PCDHGB5: variants seen among roughly 807,000 people sequenced by gnomAD.
PCDHGB5 encodes protocadherin gamma subfamily B, 5, also known as protocadherin gamma-B5.
A neutral mutation model predicts 62.9 loss-of-function variants in PCDHGB5; 48 were observed. The observed-to-expected ratio is 0.76, with a 90% CI of 0.61 to 0.97. The LOEUF is 0.97. Among genes scored for constraint, PCDHGB5 ranks in the 50% least tolerant of loss-of-function variants. The pLI, the probability that PCDHGB5 is intolerant of heterozygous loss-of-function variation, is 0.00. For missense variants in PCDHGB5, 1,118 were observed against 1,198.6 expected (o/e 0.93, Z 0.99); for synonymous variants, 474 against 511.2 (o/e 0.93, Z 0.98).
At chr5:141,481,913 CA>C (rs34114744) in intron 1 of PCDHGB5, among the ~76,000 whole-genome samples, 39,195 of 90,872 alleles carry the variant, frequency 0.43, 5,902 homozygotes, top group Admixed American at 0.51. Flanking sequence ...AACTCCATCT[CA>C]AAAAAAAAAA....
chr5:141,486,707 C>A lies in PCDHGB5; in HGVS notation c.2398-8100C>A, dbSNP rs1314530265. On this transcript the variant is annotated intron_variant, in intron 1 of 3. Coordinates refer to ENST00000617380, the MANE Select transcript of PCDHGB5 (RefSeq NM_018925.3). The surrounding 1 kb of genome is among the most constrained non-coding windows in gnomAD (Gnocchi z 5.0). ...AGCTTCCTCTTTCATCTCTCTGAAC[C>A]CCCAGACAGGAGCTGTTCATGCTAC... 2 of 1,614,040 alleles carry A rather than the reference C, an allele frequency of 1.2e-6. No individual in the cohort carries two copies. The highest frequency in any genetic ancestry group is 1.7e-6 in the Non-Finnish European group (2 of 1,180,038).
chr5:141,409,172 G>C (rs574905228), intron 1 of PCDHGB5: 1 of 1,614,006 alleles, frequency 6.2e-7, no homozygotes, highest in Non-Finnish European at 8.5e-7. Context: ...AGCGAAGGAC[G>C]GAGGTGGTCT....
rs530404769 is a variant in PCDHGB5, at chr5:141,423,267, G to C, written c.2397+22743G>C. On this transcript the variant is annotated intron_variant, in intron 1 of 3. Coordinates refer to ENST00000617380, the MANE Select transcript of PCDHGB5 (RefSeq NM_018925.3). ...TCCTGGCGGACCTCGGCAGCCTCGA[G>C]TCTCTGGCTAACTCTGAAACCTCAG... The C allele has an allele frequency of 2.5e-6, 4 of 1,613,710 alleles. No individual in the cohort carries two copies. In the South Asian group the frequency reaches 4.4e-5, roughly 18 times the overall value.
At chr5:141,471,571 A>G (rs1417147609) in intron 1 of PCDHGB5, 1 of 152,224 alleles carries the variant, frequency 6.6e-6, no homozygotes, top group African/African-American at 2.4e-5. Context: ...GGGTAGCAGT[A>G]GATAGGGTAA....
At chr5:141,492,189 G>C (rs2099737936) in intron 1 of PCDHGB5, among the ~76,000 whole-genome samples, 1 of 152,204 alleles carries the variant, frequency 6.6e-6, no homozygotes, top group Non-Finnish European at 1.5e-5. Context: ...GCACCTGTCT[G>C]CGGGACTTAG....
chr5:141,506,444 CAAAAA>C (rs1219684339), intron 3 of PCDHGB5, among the ~76,000 whole-genome samples: 4 of 95,024 alleles, frequency 4.2e-5, no homozygotes, highest in Admixed American at 1.1e-4. Flanking sequence ...CGCTCTGTCT[CAAAAA>C]AAAAAAAAAA....
rs761731200 is a variant in PCDHGB5, at chr5:141,477,252, T to C, written c.2398-17555T>C. The C allele has an allele frequency of 1.2e-6, 2 of 1,614,182 alleles. No homozygotes were observed. The highest frequency in any genetic ancestry group is 8.5e-7 in the Non-Finnish European group (1 of 1,180,034). ...ATCGCTTTGCTCAGTGTGACTGACCTGGATGCTGGCGAGAACGGGCTGGTG... is the reference window on the plus strand; with the variant it reads ...ATCGCTTTGCTCAGTGTGACTGACCCGGATGCTGGCGAGAACGGGCTGGTG... On this transcript the variant is annotated intron_variant, in intron 1 of 3. Transcript: ENST00000617380. The surrounding 1 kb of genome is among the most constrained non-coding windows in gnomAD (Gnocchi z 4.9).
Position 141,510,990 on chromosome 5 carries a change from C to T in PCDHGB5, c.2589C>T (p.Thr863=). ...GSSTLGGGAG[T]MGLSARYGPQ... ...CCACCCTGGGAGGGGGTGCCGGCAC[C>T]ATGGGATTGAGCGCCCGCTACGGAC... The change falls in exon 4 of 4, where the codon ACC becomes ACT. Residue 863 remains threonine, a synonymous_variant. Transcript: ENST00000617380. The T allele has an allele frequency of 2.5e-6, 4 of 1,614,166 alleles. No homozygotes were observed. Among genetic ancestry groups the T allele is most frequent in the Non-Finnish European group, 3.4e-6 (4 of 1,180,014 alleles).
rs138149681 is a variant in PCDHGB5, at chr5:141,486,735, G to A, written c.2398-8072G>A. Reference sequence around the variant, plus strand: ...CAGACAGGAGCTGTTCATGCTACTCGATCCTTTGACTATGAGCAAACCCAG... The same window carrying A: ...CAGACAGGAGCTGTTCATGCTACTCAATCCTTTGACTATGAGCAAACCCAG... On this transcript the variant is annotated intron_variant, in intron 1 of 3. Transcript: ENST00000617380. The surrounding 1 kb of genome is among the most constrained non-coding windows in gnomAD (Gnocchi z 5.0). 3.1e-4 allele frequency: 502 copies of A among 1,614,174 alleles called. 1 individual carries two copies. Among genetic ancestry groups the A allele is most frequent in the South Asian group, 1.8e-3 (161 of 91,086 alleles).
chr5:141,485,383 G>C lies in PCDHGB5; in HGVS notation c.2398-9424G>C. 6.2e-7 allele frequency: 1 copy of C among 1,614,128 alleles called. No individual in the cohort carries two copies. Among genetic ancestry groups the C allele is most frequent in the Non-Finnish European group, 8.5e-7 (1 of 1,180,020 alleles). On this transcript the variant is annotated intron_variant, in intron 1 of 3. Coordinates refer to ENST00000617380, the MANE Select transcript of PCDHGB5 (RefSeq NM_018925.3). The surrounding 1 kb of genome is among the most constrained non-coding windows in gnomAD (Gnocchi z 5.7). Reference sequence around the variant, plus strand: ...GCAGGCTGCAGGTCGCTGGAGAGGTGAACCAAAGACACTTCCGTGTGGATT... The same window carrying C: ...GCAGGCTGCAGGTCGCTGGAGAGGTCAACCAAAGACACTTCCGTGTGGATT...
intron 1 of PCDHGB5, chr5:141,430,809 G>T (rs949727881): frequency 2.0e-6 from 3 of 1,526,896 alleles, no homozygotes; most frequent in Non-Finnish European, 2.6e-6. Flanking sequence ...GTCCTGCTGG[G>T]AATCCTCCTG....
chr5:141,409,055 G>A lies in PCDHGB5; in HGVS notation c.2397+8531G>A, dbSNP rs141881204. The A allele has an allele frequency of 7.2e-5, 117 of 1,614,038 alleles. No individual in the cohort carries two copies. Among genetic ancestry groups the A allele is most frequent in the Admixed American group, 5.0e-4 (30 of 60,032 alleles). On this transcript the variant is annotated intron_variant, in intron 1 of 3. Coordinates refer to ENST00000617380, the MANE Select transcript of PCDHGB5 (RefSeq NM_018925.3). ...GATAAACTACTACTTCCGAAGCACT[G>A]CCCAGAGCACAAAACATATGTTCTC...
intron 1 of PCDHGB5, among the ~76,000 whole-genome samples, chr5:141,448,007 AC>A (rs1430481139): frequency 1.3e-5 from 2 of 151,784 alleles, no homozygotes; most frequent in Non-Finnish European, 2.9e-5. Context: ...AATCGCTTGA[AC>A]CCAGGAGGTG....
In PCDHGB5 at chr5:141,456,564, A is replaced by G. The variant is rs1174191537; in HGVS notation, c.2398-38243A>G. ...TTGTAGCCACTCGGGGCTGAAGCCC[A>G]CATTTTCCCTGAGCCTGTCAATAAT... On this transcript the variant is annotated intron_variant, in intron 1 of 3. Coordinates refer to ENST00000617380, the MANE Select transcript of PCDHGB5 (RefSeq NM_018925.3). Among the ~76,000 whole-genome samples the G allele has an allele frequency of 2.6e-5, 4 of 152,338 alleles. No individual in the cohort carries two copies. The South Asian group carries it at 6.2e-4, about 24-fold the overall frequency.
At chr5:141,459,775 T>C (rs377188083) in intron 1 of PCDHGB5, among the ~76,000 whole-genome samples, 8 of 152,362 alleles carry the variant, frequency 5.3e-5, no homozygotes, top group African/African-American at 1.4e-4. Flanking sequence ...TACTATCTCA[T>C]TGAAGTTTCA....
rs753202774 is a variant in PCDHGB5, at chr5:141,487,875, C to A, written c.2398-6932C>A. 33 of 828,628 alleles carry A rather than the reference C, an allele frequency of 4.0e-5. No individual in the cohort carries two copies. Among genetic ancestry groups the A allele is most frequent in the Non-Finnish European group, 5.8e-5 (31 of 536,030 alleles). The allele number at this position is 828,628 out of a possible 1,614,324, so 51.3% of individuals were successfully genotyped here. A position where few individuals can be genotyped will look rare whatever the true frequency, so the allele number is the denominator to read the frequency against. The stretch of plus-strand genomic sequence containing the variant: ...AAGTAATTGGTGATCAAGAGCCAGG[C>A]TGTTGTGGAAGCATGATGATGGAAT... On this transcript the variant is annotated intron_variant, in intron 1 of 3. Coordinates refer to ENST00000617380, the MANE Select transcript of PCDHGB5 (RefSeq NM_018925.3). The surrounding 1 kb of genome is among the most constrained non-coding windows in gnomAD (Gnocchi z 5.0).
intron 1 of PCDHGB5, among the ~76,000 whole-genome samples, chr5:141,450,467 T>G (rs997813636): frequency 1.3e-5 from 2 of 151,944 alleles, no homozygotes; most frequent in African/African-American, 2.4e-5. Flanking sequence ...ATTTTATATA[T>G]AGAGTTTGTT....
chr5:141,487,813 TG>T lies in PCDHGB5; in HGVS notation c.2398-6989del. 7.2e-7 allele frequency: 1 copy of T among 1,384,138 alleles called. No homozygotes were observed. 85.7% of individuals were successfully genotyped at this position (1,384,138 alleles called of 1,614,324 possible). A position where few individuals can be genotyped will look rare whatever the true frequency, so the allele number is the denominator to read the frequency against. On this transcript the variant is annotated intron_variant, in intron 1 of 3. Transcript: ENST00000617380. This position sits in a 1 kb window ranked among gnomAD's most constrained non-coding sequence, Gnocchi z 5.0. Reference sequence around the variant, plus strand: ...AACCAGAGTTGTCACAGTTTAGCATTGGGGGCGGGTCATGCCTATATCTGAG... The same window carrying T: ...AACCAGAGTTGTCACAGTTTAGCATTGGGGCGGGTCATGCCTATATCTGAG...
Position 141,511,617 on chromosome 5 carries a change from C to T in PCDHGB5, c.*444C>T, listed in dbSNP as rs1562253545. The T allele has an allele frequency of 4.3e-6, 1 of 233,232 alleles. No homozygotes were observed. Among genetic ancestry groups the T allele is most frequent in the African/African-American group, 2.2e-5 (1 of 45,220 alleles). The allele number at this position is 233,232 out of a possible 1,614,324, so 14.4% of individuals were successfully genotyped here. A position where few individuals can be genotyped will look rare whatever the true frequency, so the allele number is the denominator to read the frequency against. Reference sequence around the variant, plus strand: ...CAAGTAACCTACAAGCCTCCTAGTTCTGAAAAGTTGGAAGGGCATCATGAC... The same window carrying T: ...CAAGTAACCTACAAGCCTCCTAGTTTTGAAAAGTTGGAAGGGCATCATGAC... On this transcript the variant is annotated 3_prime_UTR_variant, in exon 4 of 4. Coordinates refer to ENST00000617380, the MANE Select transcript of PCDHGB5 (RefSeq NM_018925.3).
Sources: allele counts gnomAD v4.1 joint callset (sites outside exome capture counted in the v4.1 genomes callset), GRCh38; gene constraint gnomAD v4.1.1; non-coding constraint Gnocchi (gnomAD v3.1); transcripts MANE v1.5; gene names NCBI Gene and HGNC (gene_info 2026-07-23, HGNC 2026-07-21).